FREM1: variants seen among roughly 807,000 people sequenced by gnomAD.
FREM1 encodes the protein FRAS1-related extracellular matrix protein 1.
FREM1 carries 220 observed loss-of-function variants against 210.1 expected under a neutral mutation model. The observed-to-expected ratio is 1.05, with a 90% CI of 0.94 to 1.17. The LOEUF (loss-of-function observed/expected upper bound fraction) is 1.17. FREM1 is among the 50% of genes most tolerant of loss of function. The probability of loss-of-function intolerance (pLI) is 0.00; values close to 1 mark genes in which losing one functional copy is unlikely to be tolerated. For synonymous variants in FREM1, 1,189 were observed against 980.2 expected, an observed-to-expected ratio of 1.21 and a Z score of -3.98; for missense variants, 3,454 against 2,675.5, an observed-to-expected ratio of 1.29 and a Z score of -6.42.
In FREM1 at chr9:14,747,304, T is replaced by A. The variant is rs1297318590; in HGVS notation, c.5969A>T (p.Asp1990Val). ...TGAGTCAGTTGTGGATTCCACCTTA[T>A]CTGCTTGAGGCAGTTCTGCCACTTT... ...TIKVAELPQADKVESTTDSHF... is the reference protein window; with the variant it reads ...TIKVAELPQAVKVESTTDSHF... The change falls in exon 33 of 37, where the codon GAT becomes GTT. Residue 1990 changes from aspartate to valine, a missense_variant. Asp to Val is a radical substitution (Grantham distance 152). Coordinates refer to ENST00000380880, the MANE Select transcript of FREM1 (RefSeq NM_001379081.2). The A allele has an allele frequency of 6.2e-7, 1 of 1,613,608 alleles. No individual in the cohort carries two copies.
intron 29 of FREM1, among the ~76,000 whole-genome samples, chr9:14,755,214 G>A (rs1033582023): frequency 1.3e-5 from 2 of 152,210 alleles, no homozygotes; most frequent in Non-Finnish European, 2.9e-5. Flanking sequence ...ACAGCCTGAA[G>A]AAACTAACAC....
In FREM1 at chr9:14,788,937, T is replaced by C. The variant is rs766470559; in HGVS notation, c.4159A>G (p.Ile1387Val). The change falls in exon 23 of 37, where the codon ATC (isoleucine) becomes GTC (valine). Residue 1387 changes from isoleucine to valine, a missense_variant. Coordinates refer to ENST00000380880, the MANE Select transcript of FREM1 (RefSeq NM_001379081.2). ...RSPALDCQIT[I>V]KDMEKGDIVI... ...CTTTTACCTTTTTCCATGTCCTTGA[T>C]GGTGATTTGACAGTCAAGAGCAGGG... is the stretch of plus-strand genomic sequence containing the variant. The C allele has an allele frequency of 1.2e-6, 2 of 1,612,580 alleles. No homozygotes were observed. The highest frequency in any genetic ancestry group is 2.2e-5 in the East Asian group (1 of 44,868).
In FREM1 at chr9:14,870,490, T is replaced by G. The variant is rs561323737; in HGVS notation, c.-267-1246A>C. On this transcript the variant is annotated intron_variant, in intron 1 of 36. Transcript: ENST00000380880. ...TTGTTTTTTGTTGCTGTTGTCTTTG[T>G]TTTTTTTCTTAAATTTAAAATGCCT... 1.7e-4 allele frequency among the ~76,000 whole-genome samples: 25 copies of G among 149,810 alleles called. No individual in the cohort carries two copies. In the East Asian group the frequency reaches 4.4e-3, roughly 27 times the overall value.
chr9:14,756,469 T>G (rs753571413), intron 28 of FREM1, 23 bp from the exon 29 acceptor site: 1 of 1,534,626 alleles, frequency 6.5e-7, no homozygotes, highest in South Asian at 1.2e-5. Context: ...AAAAAAATCT[T>G]TTTAAGATAA....
chr9:14,894,435 T>C (rs1837350435), intron 1 of FREM1, among the ~76,000 whole-genome samples: 1 of 152,216 alleles, frequency 6.6e-6, no homozygotes, highest in Non-Finnish European at 1.5e-5. Context: ...TAATCAGCTA[T>C]AGGACTTTGA....
chr9:14,800,629 T>C (rs554468921), intron 20 of FREM1, among the ~76,000 whole-genome samples: 1 of 142,780 alleles, frequency 7.0e-6, no homozygotes, highest in Admixed American at 6.9e-5. Context: ...TTAAAAAGGA[T>C]TTTTTTTACT....
intron 25 of FREM1, chr9:14,773,963 T>TA (rs56026840): frequency 0.14 from 56,366 of 413,888 alleles, 4,122 homozygotes; most frequent in Non-Finnish European, 0.16. Flanking sequence ...GAGTTAGGAA[T>TA]AAAAAAAAGA....
intron 10 of FREM1, among the ~76,000 whole-genome samples, chr9:14,835,449 G>A (rs1328245309): frequency 6.6e-6 from 1 of 152,220 alleles, no homozygotes; most frequent in Non-Finnish European, 1.5e-5. Context: ...GACTGAAGGG[G>A]TGTGTCTCCC....
intron 3 of FREM1, 81 bp downstream of exon 3, chr9:14,863,728 T>C: frequency 2.5e-6 from 2 of 808,510 alleles, no homozygotes; most frequent in Non-Finnish European, 4.2e-6. Flanking sequence ...CTCATGACAA[T>C]ACATATCCAC....
rs180967110 is a variant in FREM1, at chr9:14,857,846, C to T, written c.632-97G>A. The stretch of plus-strand genomic sequence containing the variant: ...CGTCCCATGAATACTTATTCCCTCT[C>T]ACTGCCTCAGGAACACTCATGTACC... On this transcript the variant is annotated intron_variant, in intron 4 of 36. Transcript: ENST00000380880. 4.9e-6 allele frequency: 4 copies of T among 809,580 alleles called. No homozygotes were observed. The African/African-American group carries it at 5.2e-5, about 11-fold the overall frequency. The allele number at this position is 809,580 out of a possible 1,614,324, so 50.1% of individuals were successfully genotyped here.
chr9:14,775,612 G>C (rs551781329), intron 25 of FREM1, among the ~76,000 whole-genome samples, 177 bp downstream of exon 25: 44 of 149,666 alleles, frequency 2.9e-4, no homozygotes, highest in African/African-American at 1.0e-3. Context: ...GGAGGCTGAG[G>C]CAGGAGAATC....
intron 24 of FREM1, among the ~76,000 whole-genome samples, chr9:14,780,585 G>A (rs1312430967): frequency 6.6e-6 from 1 of 152,072 alleles, no homozygotes; most frequent in Non-Finnish European, 1.5e-5. Flanking sequence ...TTCCAGGCCA[G>A]CAGCACCAAA....
At chr9:14,847,691 A>C (rs1826946762) in intron 7 of FREM1, among the ~76,000 whole-genome samples, 1 of 152,222 alleles carries the variant, frequency 6.6e-6, no homozygotes, top group African/African-American at 2.4e-5. Flanking sequence ...CAAGTTCATA[A>C]TAAGCAAACA....
At position 14,786,883 on chromosome 9, in the gene FREM1, G is replaced by A. The variant is rs185240623; in HGVS notation, c.4177+2036C>T. On this transcript the variant is annotated intron_variant, in intron 23 of 36. Transcript: ENST00000380880. ...GAAGTAAGAAGAATGAATTAGGTGG[G>A]GGAAACACAAAGCACCCACGAGAGG... Among the ~76,000 whole-genome samples, 24 of 152,246 alleles carry A rather than the reference G, an allele frequency of 1.6e-4. 1 individual carries two copies. Among genetic ancestry groups the A allele is most frequent in the Admixed American group, 1.5e-3 (23 of 15,278 alleles).
chr9:14,865,930 T>A (rs1310010995), intron 2 of FREM1, among the ~76,000 whole-genome samples: 1 of 138,960 alleles, frequency 7.2e-6, no homozygotes, highest in Non-Finnish European at 1.5e-5. Flanking sequence ...AGTTTTAATA[T>A]TTGGCCAAAA....
intron 25 of FREM1, among the ~76,000 whole-genome samples, chr9:14,774,436 C>A (rs1848169050): frequency 6.6e-6 from 1 of 151,802 alleles, no homozygotes; most frequent in Non-Finnish European, 1.5e-5. Flanking sequence ...TTGTAGCCTG[C>A]CAACGTGCCC....
Position 14,842,354 on chromosome 9 carries a change from G to A in FREM1, c.1700C>T (p.Ala567Val). The change falls in exon 9 of 37, where the codon GCT (alanine) becomes GTT (valine). Residue 567 changes from alanine (A) to valine (V), a missense_variant. Coordinates refer to ENST00000380880, the MANE Select transcript of FREM1 (RefSeq NM_001379081.2). ...CCCTGGCTTCTTCATGATCTCCCCA[G>A]CCTGTGGAGGCTTTGTGATATTGAA... Reference protein sequence around the residue: ...IFFNITKPPQAGEIMKKPGPG... With the variant: ...IFFNITKPPQVGEIMKKPGPG... The A allele has an allele frequency of 6.2e-7, 1 of 1,604,846 alleles. No homozygotes were observed. The highest frequency in any genetic ancestry group is 1.1e-5 in the South Asian group (1 of 89,626).
In FREM1 at chr9:14,746,929, T is replaced by C. The variant is rs752880221; in HGVS notation, c.6132A>G (p.Gln2044=). 6.2e-7 allele frequency: 1 copy of C among 1,612,918 alleles called. No individual in the cohort carries two copies. The highest frequency in any genetic ancestry group is 8.5e-7 in the Non-Finnish European group (1 of 1,179,658). The change falls in exon 34 of 37, where the codon CAA becomes CAG. Residue 2044 remains glutamine (Q), a synonymous_variant. Coordinates refer to ENST00000380880, the MANE Select transcript of FREM1 (RefSeq NM_001379081.2). ...NGIAWKAWSP[Q]TKDVEDKSCP... ...TGCTCAGCCTGCCTCCTACCTTGGT[T>C]TGGGGACTCCAGGCTTTCCAGGCGA...
chr9:14,857,831 A>T (rs1829074551), intron 4 of FREM1, 82 bp from the exon 5 acceptor site: 2 of 953,312 alleles, frequency 2.1e-6, no homozygotes, highest in Non-Finnish European at 3.1e-6. Context: ...CGTCCCATGA[A>T]TACTTATTCC....
Sources: gnomAD v4.1 joint callset for allele counts (sites outside exome capture counted in the v4.1 genomes callset) on GRCh38, gnomAD v4.1.1 for gene constraint, MANE v1.5 for transcripts, NCBI Gene and HGNC (gene_info 2026-07-23, HGNC 2026-07-21) for gene names.